SIN3A: variants seen among roughly 807,000 people sequenced by gnomAD.
The protein encoded by SIN3A is SIN3 transcription regulator family member A, also known as paired amphipathic helix protein Sin3a.
A neutral mutation model predicts 146.1 loss-of-function variants in SIN3A; 14 were observed. The ratio of observed to expected loss-of-function variants is 0.10; its 90% CI spans 0.06 to 0.15. The LOEUF (loss-of-function observed/expected upper bound fraction) is 0.15. Among genes scored for constraint, SIN3A ranks in the 10% least tolerant of loss-of-function variants. SIN3A has a pLI of 1.00. For synonymous variants in SIN3A, 572 were observed against 572.0 expected (o/e 1.00, Z 0.00); for missense variants, 1,028 against 1,576.0 (o/e 0.65, Z 5.89).
rs550888430 is a variant in SIN3A at position 75,399,716 on chromosome 15, T to C, written c.1854+324A>G. Among the ~76,000 whole-genome samples the C allele has an allele frequency of 2.4e-4, 37 of 152,318 alleles. No homozygotes were observed. In the South Asian group the frequency reaches 6.6e-3, roughly 27 times the overall value. ...AGCTTCAAGAAAGTACTATAAACCT[T>C]AGGATACTGATTTTCTTCACCATGC... On this transcript the variant is annotated intron_variant, in intron 12 of 20. Transcript: ENST00000394947.
At chr15:75,377,511 G>C (rs566558641) in intron 19 of SIN3A, among the ~76,000 whole-genome samples, 6 of 151,886 alleles carry the variant, frequency 4.0e-5, no homozygotes, top group African/African-American at 9.7e-5. Flanking sequence ...TGTAATCCCA[G>C]CTATTCGGGA....
chr15:75,440,931 G>A (rs2074197014), intron 1 of SIN3A, among the ~76,000 whole-genome samples: 1 of 144,450 alleles, frequency 6.9e-6, no homozygotes, highest in Non-Finnish European at 1.5e-5. Flanking sequence ...GCAGTGAGCT[G>A]AGATCGCGCC....
intron 12 of SIN3A, among the ~76,000 whole-genome samples, chr15:75,397,011 TAAATA>T (rs1387515327): frequency 6.6e-6 from 1 of 152,206 alleles, no homozygotes; most frequent in Non-Finnish European, 1.5e-5. Context: ...TTCAAATACT[TAAATA>T]TTCAATAGCC....
intron 1 of SIN3A, among the ~76,000 whole-genome samples, chr15:75,444,147 ATGAGTTTATT>A (rs2074264311): frequency 6.6e-6 from 1 of 152,240 alleles, no homozygotes; most frequent in African/African-American, 2.4e-5. Context: ...AATAGCTAAA[ATGAGTTTATT>A]CCTTTGGAAA....
At chr15:75,377,587 T>C (rs2072886019) in intron 19 of SIN3A, among the ~76,000 whole-genome samples, 1 of 150,290 alleles carries the variant, frequency 6.7e-6, no homozygotes, top group African/African-American at 2.5e-5. Context: ...ATCGCGCCAC[T>C]GCACTCCAGC....
At chr15:75,396,182 T>G in intron 13 of SIN3A, 76 bp downstream of exon 13, 2 of 1,064,926 alleles carry the variant, frequency 1.9e-6, no homozygotes, top group Non-Finnish European at 2.8e-6. Context: ...AGGTTGAAAA[T>G]GAGAGCCTTA....
intron 1 of SIN3A, among the ~76,000 whole-genome samples, chr15:75,432,662 G>A (rs2074031574): frequency 6.8e-6 from 1 of 147,140 alleles, no homozygotes; most frequent in South Asian, 2.2e-4. Flanking sequence ...CTCCAGCCTG[G>A]GCAACAGACT....
chr15:75,442,617 TAA>T (rs374599694), intron 1 of SIN3A, among the ~76,000 whole-genome samples: 3,417 of 123,028 alleles, frequency 0.028, 172 homozygotes, highest in Admixed American at 0.11. Context: ...ATCCCATCTT[TAA>T]AAAAAAAAAA....
At chr15:75,387,454 C>T (rs969707930) in intron 16 of SIN3A, among the ~76,000 whole-genome samples, 1 of 144,286 alleles carries the variant, frequency 6.9e-6, no homozygotes, top group Non-Finnish European at 1.5e-5. Context: ...GTGAGCTGAT[C>T]ACACCACTGC....
Position 75,430,416 on chromosome 15 carries a change from A to G in SIN3A, c.-33-8T>C. On this transcript the variant is annotated splice_region_variant and splice_polypyrimidine_tract_variant and intron_variant, in intron 1 of 20. Transcript: ENST00000394947. ...AGGGATGCACTACAAAACCTGCAGA[A>G]ACCAAAAGCAATAGCATGCAAGTCA... 6.4e-7 allele frequency: 1 copy of G among 1,558,256 alleles called. No homozygotes were observed.
intron 3 of SIN3A, chr15:75,421,949 T>C (rs1253558342): frequency 2.6e-5 from 4 of 151,666 alleles, no homozygotes; most frequent in African/African-American, 7.3e-5. Flanking sequence ...TGATAATTCA[T>C]TCACAGTTAC....
chr15:75,403,658 G>A (rs958974865), intron 9 of SIN3A, among the ~76,000 whole-genome samples: 8 of 151,056 alleles, frequency 5.3e-5, no homozygotes, highest in African/African-American at 9.7e-5. Context: ...CTCCTGCCTC[G>A]GCCTCCCGAG....
upstream of SIN3A, among the ~76,000 whole-genome samples, chr15:75,454,436 C>T (rs1346539320): frequency 6.6e-6 from 1 of 151,394 alleles, no homozygotes; most frequent in African/African-American, 2.4e-5. Flanking sequence ...AAGGGCCGCC[C>T]GGCGCTCGGT....
Position 75,381,722 on chromosome 15 carries a change from T to G in SIN3A, c.3196-17A>C. ...AAACATAAGCTGCAAATAAGAAACC[T>G]AAGCGTAAACAAAAGACCGTCTCTG... On this transcript the variant is annotated splice_polypyrimidine_tract_variant and intron_variant, in intron 17 of 20. Coordinates refer to ENST00000394947, the MANE Select transcript of SIN3A (RefSeq NM_001145358.2). 1 of 1,596,654 alleles carries G rather than the reference T, an allele frequency of 6.3e-7. No homozygotes were observed. Among genetic ancestry groups the G allele is most frequent in the Non-Finnish European group, 8.6e-7 (1 of 1,164,510 alleles).
rs763676823 is a variant in SIN3A at position 75,430,466 on chromosome 15, C to A, written c.-33-58G>T. On this transcript the variant is annotated intron_variant, in intron 1 of 20. Transcript: ENST00000394947. ...AATTCTCACTCCAGTATGATGTACG[C>A]CACTTAGGACCAGTCACCCAAGTTT... 99 of 1,280,994 alleles carry A rather than the reference C, an allele frequency of 7.7e-5. No individual in the cohort carries two copies. The Middle Eastern group carries it at 4.2e-3, about 55-fold the overall frequency. The allele number at this position is 1,280,994 out of a possible 1,614,324, so 79.4% of individuals were successfully genotyped here.
At chr15:75,392,888 C>T in intron 14 of SIN3A, 73 bp from the exon 15 acceptor site, 1 of 1,062,262 alleles carries the variant, frequency 9.4e-7, no homozygotes, top group Non-Finnish European at 1.4e-6. Flanking sequence ...ACCACATCAG[C>T]CATACATCCC....
chr15:75,389,067 C>G (rs903556081), intron 16 of SIN3A, among the ~76,000 whole-genome samples: 1 of 152,058 alleles, frequency 6.6e-6, no homozygotes, highest in Non-Finnish European at 1.5e-5. Flanking sequence ...TAGAGGGAAC[C>G]GCAGATGAGT....
chr15:75,410,178 A>G lies in SIN3A; in HGVS notation c.1117T>C (p.Leu373=). 1 of 1,614,160 alleles carries G rather than the reference A, an allele frequency of 6.2e-7. No homozygotes were observed. ...ARLFKNQEDL[L]SEFGQFLPDA... ...GGTAGGAATTGTCCAAACTCTGACA[A>G]CAAATCTTCCTGGTTTTTAAAGAGA... The change falls in exon 7 of 21, where the codon TTG becomes CTG. Residue 373 remains leucine (L), a synonymous_variant. Coordinates refer to ENST00000394947, the MANE Select transcript of SIN3A (RefSeq NM_001145358.2).
chr15:75,438,642 TTA>T (rs1310932944), intron 1 of SIN3A, among the ~76,000 whole-genome samples: 61 of 152,230 alleles, frequency 4.0e-4, no homozygotes, highest in Admixed American at 3.3e-3. Context: ...TGAGCTGTGA[TTA>T]TGCCACTGCA....
Sources: gnomAD v4.1 joint callset for allele counts (sites outside exome capture counted in the v4.1 genomes callset) on GRCh38, gnomAD v4.1.1 for gene constraint, MANE v1.5 for transcripts, NCBI Gene and HGNC (gene_info 2026-07-23, HGNC 2026-07-21) for gene names.